Variants in PLB1 observed in about 807,000 individuals in gnomAD.
PLB1 encodes phospholipase B1.
A neutral mutation model predicts 227.4 loss-of-function variants in PLB1; 242 were observed. That is an observed-to-expected ratio of 1.06 (90% CI 0.96 to 1.18). The LOEUF is 1.18. Among genes scored for constraint, PLB1 ranks in the 50% most tolerant of loss-of-function variants. The pLI, the probability that PLB1 is intolerant of heterozygous loss-of-function variation, is 0.00. For missense variants in PLB1, 1,858 were observed against 1,816.3 expected (o/e 1.02, Z -0.42); for synonymous variants, 757 against 682.2 (o/e 1.11, Z -1.71).
chr2:28,615,947 A>C (rs945339537), intron 44 of PLB1, among the ~76,000 whole-genome samples: 1 of 152,254 alleles, frequency 6.6e-6, no homozygotes, highest in African/African-American at 2.4e-5. Context: ...CCTAGAGGAC[A>C]TTACGTTAAG....
At chr2:28,631,534 C>G (rs554904933) in intron 54 of PLB1, among the ~76,000 whole-genome samples, 3 of 152,302 alleles carry the variant, frequency 2.0e-5, no homozygotes, top group South Asian at 4.1e-4. Flanking sequence ...CTAGTCTGTT[C>G]CTTTTACATT....
intron 17 of PLB1, among the ~76,000 whole-genome samples, chr2:28,558,306 G>C (rs906262910): frequency 6.6e-6 from 1 of 152,092 alleles, no homozygotes; most frequent in African/African-American, 2.4e-5. Context: ...ATTTTACCCA[G>C]TCCCAAGGAT....
intron 21 of PLB1, among the ~76,000 whole-genome samples, chr2:28,574,756 G>C (rs976917886): frequency 2.6e-5 from 4 of 152,064 alleles, no homozygotes; most frequent in Admixed American, 6.6e-5. Context: ...TTATAAGTGA[G>C]AACATACAAT....
intron 51 of PLB1, among the ~76,000 whole-genome samples, chr2:28,627,143 TG>T (rs1687909654): frequency 6.6e-6 from 1 of 152,154 alleles, no homozygotes; most frequent in Non-Finnish European, 1.5e-5. Flanking sequence ...GATGGTGGTG[TG>T]GGGGAAAAGG....
intron 17 of PLB1, among the ~76,000 whole-genome samples, chr2:28,556,748 C>CA (rs1409884361): frequency 1.8e-4 from 27 of 152,254 alleles, no homozygotes; most frequent in Non-Finnish European, 3.2e-4. Flanking sequence ...AAATTCCACA[C>CA]AGTGGGAAAA....
At chr2:28,596,752 G>A (rs1301391302) in intron 33 of PLB1, among the ~76,000 whole-genome samples, 10 of 152,200 alleles carry the variant, frequency 6.6e-5, no homozygotes, top group African/African-American at 2.4e-4. Flanking sequence ...GGTGGGGAGC[G>A]AGAACTGAGT....
intron 5 of PLB1, 24 bp from the exon 6 acceptor site, chr2:28,525,881 T>C: frequency 6.2e-7 from 1 of 1,613,644 alleles, no homozygotes; most frequent in Non-Finnish European, 8.5e-7. Context: ...AGCCTGACAC[T>C]CACATGCCTG....
At chr2:28,575,580 T>G (rs1271851350) in intron 21 of PLB1, among the ~76,000 whole-genome samples, 2 of 152,170 alleles carry the variant, frequency 1.3e-5, no homozygotes, top group East Asian at 1.9e-4. Context: ...AGACTTTGTT[T>G]GTTTGTTTGA....
At chr2:28,554,045 A>G (rs1264847678) in intron 17 of PLB1, among the ~76,000 whole-genome samples, 1 of 152,216 alleles carries the variant, frequency 6.6e-6, no homozygotes, top group African/African-American at 2.4e-5. Flanking sequence ...AAACCTCGGT[A>G]TATAACTGAC....
chr2:28,525,128 G>GGT (rs1670058307), intron 4 of PLB1, 139 bp from the exon 5 acceptor site: 1 of 711,766 alleles, frequency 1.4e-6, no homozygotes, highest in African/African-American at 1.8e-5. Context: ...TGGGATTACA[G>GGT]GTGTGAGCCA....
At chr2:28,559,634 G>A (rs1171077671) in intron 17 of PLB1, among the ~76,000 whole-genome samples, 1 of 150,972 alleles carries the variant, frequency 6.6e-6, no homozygotes, top group African/African-American at 2.4e-5. Flanking sequence ...TCCTGCACAG[G>A]TACAATTCCA....
chr2:28,548,799 G>T, intron 14 of PLB1, 61 bp from the exon 15 acceptor site: 6 of 1,520,752 alleles, frequency 3.9e-6, no homozygotes, highest in Middle Eastern at 1.7e-4. Context: ...TCTCACTGGT[G>T]ACTTGGCAGG....
At position 28,582,121 on chromosome 2, in the gene PLB1, C is replaced by A. The variant is rs1378013236; in HGVS notation, c.1620C>A (p.Ile540=). ...FTDNIGKALD[I]LHAEVPRAFV... ...ACAACATTGGAAAGGCCCTGGACATCCTCCATGCTGAGGTACGGAGGCTAG... is the reference window on the plus strand; with the variant it reads ...ACAACATTGGAAAGGCCCTGGACATACTCCATGCTGAGGTACGGAGGCTAG... Residue 540 remains isoleucine, a synonymous_variant, in exon 24 of 58, where the codon ATC becomes ATA. Coordinates refer to ENST00000327757, the MANE Select transcript of PLB1 (RefSeq NM_153021.5). 3 of 1,613,820 alleles carry A rather than the reference C, an allele frequency of 1.9e-6. No individual in the cohort carries two copies. The highest frequency in any genetic ancestry group is 2.7e-5 in the African/African-American group (2 of 74,914).
chr2:28,525,444 CAGAGAAG>C, intron 5 of PLB1, 137 bp downstream of exon 5: 1 of 973,786 alleles, frequency 1.0e-6, no homozygotes, highest in Non-Finnish European at 1.5e-6. Flanking sequence ...GAGAAGGTAG[CAGAGAAG>C]CTCCCAGAAC....
At chr2:28,501,858 C>T (rs1042399350) in intron 1 of PLB1, among the ~76,000 whole-genome samples, 5 of 152,094 alleles carry the variant, frequency 3.3e-5, no homozygotes, top group African/African-American at 1.2e-4. Context: ...ATACCACCAG[C>T]CTCCCAACAT....
chr2:28,604,214 C>T (rs1684326030), intron 40 of PLB1, among the ~76,000 whole-genome samples, 167 bp downstream of exon 40: 1 of 152,190 alleles, frequency 6.6e-6, no homozygotes, highest in Non-Finnish European at 1.5e-5. Context: ...ACTGTGGTGT[C>T]TCAGGTGCCC....
In PLB1 at chr2:28,590,014, G is replaced by T. The variant is rs377415436; in HGVS notation, c.2026G>T (p.Val676Phe). ...CTGCTTCTTTGTTTAGCTGGAGCCT[G>T]TTGGCCAGAAGACGACTCGTCATAA... is the stretch of plus-strand genomic sequence containing the variant. The part of the protein sequence containing the change: ...SALWNNMLEP[V>F]GQKTTRHKFE... Residue 676 changes from valine (V) to phenylalanine (F), a missense_variant, in exon 29 of 58, where the codon GTT (valine) becomes TTT (phenylalanine). By Grantham distance (50) the Val-to-Phe change is conservative. Coordinates refer to ENST00000327757, the MANE Select transcript of PLB1 (RefSeq NM_153021.5). 19 of 1,613,486 alleles carry T rather than the reference G, an allele frequency of 1.2e-5. No individual in the cohort carries two copies. Among genetic ancestry groups the T allele is most frequent in the African/African-American group, 4.0e-5 (3 of 74,878 alleles).
intron 41 of PLB1, 134 bp downstream of exon 41, chr2:28,604,893 G>C: frequency 1.2e-6 from 1 of 803,428 alleles, no homozygotes; most frequent in South Asian, 1.7e-5. Context: ...GCAGGTGCAG[G>C]CTCCCTGAAC....
At chr2:28,506,865 C>G (rs554711772) in intron 1 of PLB1, among the ~76,000 whole-genome samples, 1 of 152,240 alleles carries the variant, frequency 6.6e-6, no homozygotes, top group East Asian at 1.9e-4. Context: ...TTTCTTCAAG[C>G]CTTAGGCCAC....
Sources: gnomAD v4.1 joint callset for allele counts (sites outside exome capture counted in the v4.1 genomes callset) on GRCh38, gnomAD v4.1.1 for gene constraint, MANE v1.5 for transcripts, NCBI Gene and HGNC (gene_info 2026-07-23, HGNC 2026-07-21) for gene names.